IRX6: variants seen among roughly 807,000 people sequenced by gnomAD.
IRX6 encodes iroquois homeobox 6.
In IRX6, 46 loss-of-function variants were observed where a neutral mutation model predicts 47.7. That is an observed-to-expected ratio of 0.96 (90% CI 0.76 to 1.23). The LOEUF is 1.23. Among genes scored for constraint, IRX6 ranks in the 50% most tolerant of loss-of-function variants. The probability of loss-of-function intolerance (pLI) is 0.00; values close to 1 mark genes in which losing one functional copy is unlikely to be tolerated. For synonymous variants in IRX6, 265 were observed against 246.2 expected, an observed-to-expected ratio of 1.08 and a Z score of -0.72; for missense variants, 722 against 588.0, an observed-to-expected ratio of 1.23 and a Z score of -2.36.
In IRX6 at chr16:55,325,117, C is replaced by T. The variant is rs149324218; in HGVS notation, c.26C>T (p.Pro9Leu). Residue 9 changes from proline (P) to leucine (L), a missense_variant, in exon 1 of 6, where the codon CCG becomes CTG. By Grantham distance (98) the Pro-to-Leu change is moderately conservative. Coordinates refer to ENST00000290552, the MANE Select transcript of IRX6 (RefSeq NM_024335.3). Reference protein sequence around the residue: MSFPHFGHPYRGASQFLAS... With the variant: MSFPHFGHLYRGASQFLAS... ...ATGTCCTTCCCACACTTTGGACACC[C>T]GTACCGCGGCGCTTCCCAGGTAAGA... 5.0e-6 allele frequency: 8 copies of T among 1,613,966 alleles called. No individual in the cohort carries two copies. The highest frequency in any genetic ancestry group is 1.1e-5 in the South Asian group (1 of 91,078).
In IRX6 at chr16:55,328,754, T is replaced by G; in HGVS notation, c.776T>G (p.Leu259Arg). Residue 259 changes from leucine (L) to arginine (R), a missense_variant, in exon 5 of 6, where the codon CTG (leucine) becomes CGG (arginine). Leu to Arg is a moderately radical substitution (Grantham distance 102). Coordinates refer to ENST00000290552, the MANE Select transcript of IRX6 (RefSeq NM_024335.3). ...RGLRLSDLED[L>R]EEEEEEEEEA... ...CTCCGGCTGAGTGACCTGGAAGACC[T>G]GGAGGAAGAGGAGGAGGAGGAGGAG... 1 of 1,613,000 alleles carries G rather than the reference T, an allele frequency of 6.2e-7. No individual in the cohort carries two copies. Among genetic ancestry groups the G allele is most frequent in the Non-Finnish European group, 8.5e-7 (1 of 1,179,954 alleles).
At chr16:55,328,231 CT>C (rs1488816921) in intron 4 of IRX6, among the ~76,000 whole-genome samples, 1 of 152,166 alleles carries the variant, frequency 6.6e-6, no homozygotes, top group Non-Finnish European at 1.5e-5. Flanking sequence ...CAACTTCCCT[CT>C]CTAGAATGGC....
Position 55,327,784 on chromosome 16 carries a change from CAAGA to C in IRX6, c.617_620del (p.Lys206ArgfsTer4). ...GGTTCGCCAACGCACGCCGGCGCCT[CAAGA>C]AAGAGAACAAAATGACATGGGCGCC... On this transcript the variant is annotated frameshift_variant, in exon 4 of 6. Transcript: ENST00000290552. LOFTEE classifies it high-confidence loss of function. 4 of 1,612,610 alleles carry C rather than the reference CAAGA, an allele frequency of 2.5e-6. No individual in the cohort carries two copies. Among genetic ancestry groups the C allele is most frequent in the Non-Finnish European group, 3.4e-6 (4 of 1,179,864 alleles).
chr16:55,326,391 T>C lies in IRX6; in HGVS notation c.101T>C (p.Val34Ala). Residue 34 changes from valine (V) to alanine (A), a missense_variant, in exon 2 of 6, where the codon GTC becomes GCC. By Grantham distance (64) the Val-to-Ala change is moderately conservative. Transcript: ENST00000290552. ...TGCTGCGAATCTACCCAACGCTCTG[T>C]CTCAGATGTGGCATCAGGCTCCACC... is the stretch of plus-strand genomic sequence containing the variant. ...TTCCESTQRSVSDVASGSTPA... is the reference protein window; with the variant it reads ...TTCCESTQRSASDVASGSTPA... 6.2e-7 allele frequency: 1 copy of C among 1,614,066 alleles called. No individual in the cohort carries two copies. The highest frequency in any genetic ancestry group is 8.5e-7 in the Non-Finnish European group (1 of 1,180,032).
At chr16:55,328,507 A>G (rs1296951751) in intron 4 of IRX6, among the ~76,000 whole-genome samples, 193 bp from the exon 5 acceptor site, 1 of 152,184 alleles carries the variant, frequency 6.6e-6, no homozygotes, top group African/African-American at 2.4e-5. Flanking sequence ...GGGCTGGGGC[A>G]GAAATTCTTT....
In IRX6 at chr16:55,325,074, G is replaced by C. The variant is rs374334366; in HGVS notation, c.-18G>C. The C allele has an allele frequency of 3.2e-5, 51 of 1,613,778 alleles. No individual in the cohort carries two copies. The African/African-American group carries it at 6.1e-4, about 19-fold the overall frequency. On this transcript the variant is annotated 5_prime_UTR_variant, in exon 1 of 6. Coordinates refer to ENST00000290552, the MANE Select transcript of IRX6 (RefSeq NM_024335.3). ...GGAACTCGACAGGGAAGAGAGAGAC[G>C]GGCCAGGGACAGCCACCATGTCCTT... is the stretch of plus-strand genomic sequence containing the variant.
At chr16:55,326,651 G>T in intron 2 of IRX6, 58 bp downstream of exon 2, 2 of 1,443,462 alleles carry the variant, frequency 1.4e-6, no homozygotes, top group Middle Eastern at 1.8e-4. Flanking sequence ...GAAATCCAGA[G>T]AAAGTCAAGG....
Position 55,330,426 on chromosome 16 carries a change from C to A in IRX6, c.*121C>A. On this transcript the variant is annotated 3_prime_UTR_variant, in exon 6 of 6. Transcript: ENST00000290552. The stretch of plus-strand genomic sequence containing the variant: ...AGGAGCTCTCACTTTGCCTAAGAGA[C>A]AGACACACAGAAACCCTCCTAGCAG... 1.0e-6 allele frequency: 1 copy of A among 985,430 alleles called. No homozygotes were observed. Among genetic ancestry groups the A allele is most frequent in the Non-Finnish European group, 1.6e-6 (1 of 612,758 alleles). The allele number at this position is 985,430 out of a possible 1,614,324, so 61.0% of individuals were successfully genotyped here. A position where few individuals can be genotyped will look rare whatever the true frequency, so the allele number is the denominator to read the frequency against.
rs1253670786 is a variant in IRX6, at chr16:55,329,094, G to A, written c.1116G>A (p.Arg372=). 3 of 1,613,966 alleles carry A rather than the reference G, an allele frequency of 1.9e-6. No homozygotes were observed. In the African/African-American group the frequency reaches 4.0e-5, roughly 22 times the overall value. The change falls in exon 5 of 6, where the codon AGG becomes AGA. Residue 372 remains arginine, a synonymous_variant. Coordinates refer to ENST00000290552, the MANE Select transcript of IRX6 (RefSeq NM_024335.3). ...AVEGAPPARP[R]PRSPECRMIP... ...AAGGTGCACCCCCAGCCCGGCCTAG[G>A]CCACGAAGTCCTGAGTGCCGTATGA...
At chr16:55,329,652 A>G (rs1325439419) in intron 5 of IRX6, among the ~76,000 whole-genome samples, 1 of 151,262 alleles carries the variant, frequency 6.6e-6, no homozygotes, top group Non-Finnish European at 1.5e-5. Context: ...CTCTAGCACA[A>G]ACGCCCTTGT....
chr16:55,329,703 G>T (rs1245657820), intron 5 of IRX6, among the ~76,000 whole-genome samples: 1 of 151,878 alleles, frequency 6.6e-6, no homozygotes, highest in Non-Finnish European at 1.5e-5. Context: ...GGTCCCTGCT[G>T]TGCTGCTCAG....
intron 5 of IRX6, 143 bp from the exon 6 acceptor site, chr16:55,330,155 C>A: frequency 1.4e-6 from 1 of 725,274 alleles, no homozygotes; most frequent in Non-Finnish European, 2.5e-6. Context: ...TGAATTTACG[C>A]AACGGATCCA....
intron 1 of IRX6, 77 bp downstream of exon 1, chr16:55,325,213 C>A: frequency 6.9e-7 from 1 of 1,450,222 alleles, no homozygotes; most frequent in Non-Finnish European, 9.6e-7. Context: ...TGCCTCTGAT[C>A]ATCCTCCTCT....
At position 55,325,154 on chromosome 16, in the gene IRX6, G is replaced by A; in HGVS notation, c.45+18G>A. The A allele has an allele frequency of 1.2e-6, 2 of 1,612,816 alleles. No individual in the cohort carries two copies. Among genetic ancestry groups the A allele is most frequent in the Non-Finnish European group, 8.5e-7 (1 of 1,179,310 alleles). On this transcript the variant is annotated intron_variant, in intron 1 of 5. Transcript: ENST00000290552. ...CTTCCCAGGTAAGAGGCGCCTCTAT[G>A]GGGGATAGGGGACAGACTGGGTGGA...
chr16:55,326,497 C>T lies in IRX6; in HGVS notation c.207C>T (p.Gly69=). Reference sequence around the variant, plus strand: ...GACCGGAGCTGGGCGCCGCCTTGGGCATCTATGGAGCACCCTATGCGGCCG... The same window carrying T: ...GACCGGAGCTGGGCGCCGCCTTGGGTATCTATGGAGCACCCTATGCGGCCG... ...SARPELGAAL[G]IYGAPYAAAA... is the part of the protein sequence containing the mutation. The change falls in exon 2 of 6, where the codon GGC becomes GGT. Residue 69 remains glycine (G), a synonymous_variant. Coordinates refer to ENST00000290552, the MANE Select transcript of IRX6 (RefSeq NM_024335.3). The T allele has an allele frequency of 6.2e-7, 1 of 1,612,342 alleles. No individual in the cohort carries two copies.
chr16:55,325,883 C>T, intron 1 of IRX6: 1 of 163,464 alleles, frequency 6.1e-6, no homozygotes, highest in Non-Finnish European at 1.3e-5. Flanking sequence ...GCTGTGTGAT[C>T]TTAGACAAGT....
chr16:55,328,542 C>A (rs1198406548), intron 4 of IRX6, among the ~76,000 whole-genome samples, 158 bp from the exon 5 acceptor site: 1 of 152,144 alleles, frequency 6.6e-6, no homozygotes, highest in Non-Finnish European at 1.5e-5. Flanking sequence ...GCCAACAACC[C>A]TGGGCAAATG....
At position 55,329,161 on chromosome 16, in the gene IRX6, C is replaced by A. The variant is rs762232426; in HGVS notation, c.1183C>A (p.Pro395Thr). The change falls in exon 5 of 6, where the codon CCC (proline) becomes ACC (threonine). Residue 395 changes from proline (P) to threonine (T), a missense_variant. Coordinates refer to ENST00000290552, the MANE Select transcript of IRX6 (RefSeq NM_024335.3). ...PPASARRLSV[P>T]RDSACDESSC... ...TGCCTCTGCCCGGCGACTCTCAGTC[C>A]CCAGAGACTCCGCGTGCGACGAGTC... The A allele has an allele frequency of 2.5e-6, 4 of 1,614,126 alleles. No individual in the cohort carries two copies. The Admixed American group carries it at 6.7e-5, about 27-fold the overall frequency.
At chr16:55,329,415 T>TGTGGGAGACCTGGG in intron 5 of IRX6, 104 bp downstream of exon 5, 1 of 1,425,828 alleles carries the variant, frequency 7.0e-7, no homozygotes, top group Non-Finnish European at 9.3e-7. Context: ...TGCCCAGGTC[T>TGTGGGAGACCTGGG]CCCACAGAAC....
Sources: allele counts gnomAD v4.1 joint callset (sites outside exome capture counted in the v4.1 genomes callset), GRCh38; gene constraint gnomAD v4.1.1; transcripts MANE v1.5; gene names NCBI Gene and HGNC (gene_info 2026-07-23, HGNC 2026-07-21).